Variants in CYP2C18 observed in about 807,000 individuals in gnomAD.
CYP2C18 encodes cytochrome P450 family 2 subfamily C member 18.
A neutral mutation model predicts 41.3 loss-of-function variants in CYP2C18; 38 were observed. That is an observed-to-expected ratio of 0.92 (90% CI 0.71 to 1.21). The LOEUF is 1.21. CYP2C18 is among the 50% of genes most tolerant of loss of function. CYP2C18 has a pLI of 0.00. For synonymous variants in CYP2C18, 236 were observed against 210.0 expected (o/e 1.12, Z -1.07); for missense variants, 635 against 591.4 (o/e 1.07, Z -0.77).
rs374794861 is a variant in CYP2C18 at position 94,716,977 on chromosome 10, T to C, written c.820-3419T>C. Among the ~76,000 whole-genome samples, 7 of 152,320 alleles carry C rather than the reference T, an allele frequency of 4.6e-5. No homozygotes were observed. In the East Asian group the frequency reaches 5.8e-4, roughly 13 times the overall value. Reference sequence around the variant, plus strand: ...TTTCGATCTTTGTTGGTTTAAAGTCTGTTTTATCAGAGACTAGGATTGCAA... The same window carrying C: ...TTTCGATCTTTGTTGGTTTAAAGTCCGTTTTATCAGAGACTAGGATTGCAA... On this transcript the variant is annotated intron_variant, in intron 5 of 8. Coordinates refer to ENST00000285979, the MANE Select transcript of CYP2C18 (RefSeq NM_000772.3).
chr10:94,727,757 A>G (rs1312786304), intron 7 of CYP2C18, among the ~76,000 whole-genome samples: 4 of 152,196 alleles, frequency 2.6e-5, no homozygotes, highest in Admixed American at 2.0e-4. Context: ...GAATGAATAT[A>G]TGTGTGTGTA....
At chr10:94,709,291 C>T (rs1170912639) in intron 5 of CYP2C18, among the ~76,000 whole-genome samples, 1 of 152,094 alleles carries the variant, frequency 6.6e-6, no homozygotes, top group African/African-American at 2.4e-5. Context: ...TGTTTCTTAT[C>T]TTTTTGATTC....
chr10:94,714,220 G>A (rs1847498867), intron 5 of CYP2C18, among the ~76,000 whole-genome samples: 1 of 152,102 alleles, frequency 6.6e-6, no homozygotes, highest in Admixed American at 6.5e-5. Context: ...TGTTGCCATT[G>A]CTTTTGGTGT....
intron 1 of CYP2C18, among the ~76,000 whole-genome samples, 155 bp from the exon 2 acceptor site, chr10:94,687,615 T>G (rs1173621208): frequency 6.6e-6 from 1 of 152,200 alleles, no homozygotes; most frequent in Non-Finnish European, 1.5e-5. Flanking sequence ...AAAACAATAA[T>G]CATCATCTTT....
intron 4 of CYP2C18, among the ~76,000 whole-genome samples, chr10:94,703,053 C>G (rs1411597052): frequency 6.6e-6 from 1 of 152,206 alleles, no homozygotes; most frequent in African/African-American, 2.4e-5. Context: ...GCCTGGGTAT[C>G]ACCAGCAGCG....
Position 94,701,210 on chromosome 10 carries a change from G to C in CYP2C18, c.643-5574G>C, listed in dbSNP as rs1847236867. ...CATTATTCACAATAGCAAAGACTTG[G>C]AACCACACCAAATATCCAACAATGA... On this transcript the variant is annotated intron_variant, in intron 4 of 8. Transcript: ENST00000285979. 2.6e-5 allele frequency among the ~76,000 whole-genome samples: 4 copies of C among 152,208 alleles called. No homozygotes were observed. In the East Asian group the frequency reaches 7.7e-4, roughly 29 times the overall value.
In CYP2C18 at chr10:94,683,845, T is replaced by A; in HGVS notation, c.26T>A (p.Leu9His). The stretch of plus-strand genomic sequence containing the variant: ...ATGGATCCAGCTGTGGCTCTGGTGC[T>A]CTGTCTCTCCTGTTTGTTTCTCCTT... Reference protein sequence around the residue: MDPAVALVLCLSCLFLLSL... With the variant: MDPAVALVHCLSCLFLLSL... The change falls in exon 1 of 9, where the codon CTC becomes CAC. Residue 9 changes from leucine (L) to histidine (H), a missense_variant. Transcript: ENST00000285979. 1 of 1,606,602 alleles carries A rather than the reference T, an allele frequency of 6.2e-7. No individual in the cohort carries two copies. The highest frequency in any genetic ancestry group is 8.5e-7 in the Non-Finnish European group (1 of 1,176,728).
chr10:94,721,333 C>T (rs1234429371), intron 6 of CYP2C18, among the ~76,000 whole-genome samples: 1 of 152,074 alleles, frequency 6.6e-6, no homozygotes, highest in Non-Finnish European at 1.5e-5. Context: ...TTCTATAGAT[C>T]TTCCCTTATT....
chr10:94,717,118 G>A (rs1430069298), intron 5 of CYP2C18, among the ~76,000 whole-genome samples: 10 of 152,088 alleles, frequency 6.6e-5, no homozygotes, highest in Admixed American at 6.6e-4. Flanking sequence ...ACACTGAGGA[G>A]TCTTGACTCT....
chr10:94,731,414 C>T (rs1201215405), intron 7 of CYP2C18, among the ~76,000 whole-genome samples: 2 of 151,898 alleles, frequency 1.3e-5, no homozygotes, highest in Non-Finnish European at 2.9e-5. Context: ...AAAGGCCATA[C>T]TGCCCAAAGC....
rs572465239 is a variant in CYP2C18, at chr10:94,698,329, A to C, written c.642+3252A>C. ...ACTAGAACTCAGGATTAAGAAACTCACTCAAAACCCCTCAACTACATGGAA... is the reference window on the plus strand; with the variant it reads ...ACTAGAACTCAGGATTAAGAAACTCCCTCAAAACCCCTCAACTACATGGAA... On this transcript the variant is annotated intron_variant, in intron 4 of 8. Transcript: ENST00000285979. Among the ~76,000 whole-genome samples the C allele has an allele frequency of 3.3e-5, 5 of 152,312 alleles. No individual in the cohort carries two copies. In the East Asian group the frequency reaches 9.6e-4, roughly 29 times the overall value.
chr10:94,715,943 T>G (rs1847534036), intron 5 of CYP2C18, among the ~76,000 whole-genome samples: 1 of 152,208 alleles, frequency 6.6e-6, no homozygotes, highest in Admixed American at 6.6e-5. Flanking sequence ...TTTATCCATT[T>G]CTTCTAGATT....
intron 4 of CYP2C18, among the ~76,000 whole-genome samples, chr10:94,703,940 G>A (rs912559433): frequency 6.6e-6 from 1 of 152,168 alleles, no homozygotes; most frequent in African/African-American, 2.4e-5. Context: ...TAGTATCTGG[G>A]CTGGATAGCA....
intron 7 of CYP2C18, 61 bp downstream of exon 7, chr10:94,724,594 A>G: frequency 6.9e-7 from 1 of 1,450,244 alleles, no homozygotes; most frequent in African/African-American, 1.4e-5. Context: ...TTCATAGTAT[A>G]GTCCCAATCC....
At position 94,706,943 on chromosome 10, in the gene CYP2C18, C is replaced by T. The variant is rs141829322; in HGVS notation, c.802C>T (p.Leu268=). ...TGCTCGGGACTTTATTGATTGTTTC[C>T]TGATCAAAATGGAACAGGTAAAATG... ...NSARDFIDCF[L]IKMEQEKHNQ... The change falls in exon 5 of 9, where the codon CTG becomes TTG. Residue 268 remains leucine, a synonymous_variant. Coordinates refer to ENST00000285979, the MANE Select transcript of CYP2C18 (RefSeq NM_000772.3). 8.2e-4 allele frequency: 1,316 copies of T among 1,608,140 alleles called. No individual in the cohort carries two copies. The highest frequency in any genetic ancestry group is 1.0e-3 in the Non-Finnish European group (1,231 of 1,178,282).
intron 8 of CYP2C18, 31 bp from the exon 9 acceptor site, chr10:94,735,232 G>A: frequency 1.9e-6 from 3 of 1,607,030 alleles, no homozygotes; most frequent in Non-Finnish European, 2.6e-6. Context: ...TAATGTTCAA[G>A]GAACAAATCC....
At chr10:94,686,185 A>G (rs1196200987) in intron 1 of CYP2C18, among the ~76,000 whole-genome samples, 2 of 151,794 alleles carry the variant, frequency 1.3e-5, no homozygotes, top group African/African-American at 4.8e-5. Context: ...TTTCTTTTTT[A>G]GATATTTTGT....
At chr10:94,725,305 A>AT (rs2134206627) in intron 7 of CYP2C18, among the ~76,000 whole-genome samples, 1 of 151,892 alleles carries the variant, frequency 6.6e-6, no homozygotes, top group African/African-American at 2.4e-5. Context: ...TGGAAATATA[A>AT]TTGACTTTAT....
At chr10:94,701,017 G>A (rs146568393) in intron 4 of CYP2C18, among the ~76,000 whole-genome samples, 2 of 152,186 alleles carry the variant, frequency 1.3e-5, no homozygotes, top group Non-Finnish European at 2.9e-5. Flanking sequence ...TTACACTGTT[G>A]GTGGGACTGT....
Sources: allele counts gnomAD v4.1 joint callset (sites outside exome capture counted in the v4.1 genomes callset), GRCh38; gene constraint gnomAD v4.1.1; transcripts MANE v1.5; gene names NCBI Gene and HGNC (gene_info 2026-07-23, HGNC 2026-07-21).